The following IGSF10 variants were observed in gnomAD, a reference collection of about 807,000 sequenced individuals.
The protein encoded by IGSF10 is immunoglobulin superfamily member 10, also known as calvaria mechanical force protein 608.
In IGSF10, 126 loss-of-function variants were observed where a neutral mutation model predicts 128.2. That is an observed-to-expected ratio of 0.98 (90% CI 0.85 to 1.14). The LOEUF (loss-of-function observed/expected upper bound fraction) is 1.14. Ranked by LOEUF, IGSF10 falls within the 50% of genes most tolerant of loss-of-function variation. IGSF10 has a pLI of 0.00. For synonymous variants in IGSF10, 1,185 were observed against 1,146.2 expected, an observed-to-expected ratio of 1.03 and a Z score of -0.68; for missense variants, 3,295 against 3,149.8, an observed-to-expected ratio of 1.05 and a Z score of -1.10.
At chr3:151,606,163 T>A in the IGSF10 span, among the ~76,000 whole-genome samples, 1 of 152,230 alleles carries the variant, frequency 6.6e-6, no homozygotes, top group African/African-American at 2.4e-5. Context: ...AAACGCTTTC[T>A]CTATGATTGC....
In IGSF10 at chr3:151,446,369, G is replaced by C; in HGVS notation, c.3612C>G (p.Pro1204=). 1 of 1,613,038 alleles carries C rather than the reference G, an allele frequency of 6.2e-7. No individual in the cohort carries two copies. The highest frequency in any genetic ancestry group is 8.5e-7 in the Non-Finnish European group (1 of 1,179,116). ...AITRFSRRKI[P]WQQNFVNNHN... ...GGTTATTTACAAAGTTCTGTTGCCA[G>C]GGAATTTTCCTTCTTGAAAACCTTG... is the stretch of plus-strand genomic sequence containing the variant. The change falls in exon 6 of 8, where the codon CCC becomes CCG. Residue 1204 remains proline, a synonymous_variant. Transcript: ENST00000282466.
At chr3:151,598,754 T>C in the IGSF10 span, among the ~76,000 whole-genome samples, 1 of 152,214 alleles carries the variant, frequency 6.6e-6, no homozygotes, top group East Asian at 1.9e-4. Flanking sequence ...AATCCACGAA[T>C]GTGGAACCCA....
the IGSF10 span, among the ~76,000 whole-genome samples, chr3:151,576,246 A>G: frequency 4.6e-5 from 7 of 151,904 alleles, no homozygotes; most frequent in African/African-American, 1.7e-4. Context: ...TATACATTTT[A>G]GACTTTAGCA....
At chr3:151,483,878 T>A in the IGSF10 span, among the ~76,000 whole-genome samples, 1 of 152,174 alleles carries the variant, frequency 6.6e-6, no homozygotes, top group Admixed American at 6.5e-5. Flanking sequence ...GAGCAGCTGT[T>A]TGGGCAGACA....
chr3:151,616,776 C>A, the IGSF10 span, among the ~76,000 whole-genome samples: 1 of 152,162 alleles, frequency 6.6e-6, no homozygotes, highest in Non-Finnish European at 1.5e-5. Context: ...GAAACCTCTA[C>A]GAAATGCGTC....
chr3:151,606,170 T>G, the IGSF10 span, among the ~76,000 whole-genome samples: 1 of 152,354 alleles, frequency 6.6e-6, no homozygotes, highest in South Asian at 2.1e-4. Flanking sequence ...TTCTCTATGA[T>G]TGCATATTTG....
At chr3:151,505,225 G>T in the IGSF10 span, among the ~76,000 whole-genome samples, 1 of 152,138 alleles carries the variant, frequency 6.6e-6, no homozygotes, top group Non-Finnish European at 1.5e-5. Flanking sequence ...GGAGGCCTCA[G>T]GAAACTTACA....
chr3:151,556,879 C>T, the IGSF10 span, among the ~76,000 whole-genome samples: 1 of 152,142 alleles, frequency 6.6e-6, no homozygotes, highest in African/African-American at 2.4e-5. Flanking sequence ...TATAACATGC[C>T]AGTTTGGATA....
rs1002322706 is a variant in IGSF10, at chr3:151,460,345, A to G, written c.-86T>C. 3 of 966,186 alleles carry G rather than the reference A, an allele frequency of 3.1e-6. No individual in the cohort carries two copies. Among genetic ancestry groups the G allele is most frequent in the Non-Finnish European group, 3.7e-6 (3 of 812,456 alleles). 59.9% of individuals were successfully genotyped at this position (966,186 alleles called of 1,614,324 possible). ...CCCAGGAAATGGAAAATTGTGTCCA[A>G]ACCTGAGGGAGGAAAAGTTCTCTGC... On this transcript the variant is annotated splice_region_variant and 5_prime_UTR_variant, in exon 2 of 8. Transcript: ENST00000282466.
chr3:151,546,529 T>A, the IGSF10 span, among the ~76,000 whole-genome samples: 2,447 of 147,930 alleles, frequency 0.017, 21 homozygotes, highest in South Asian at 0.026. Context: ...TTTTTTTTTT[T>A]AATATTTAGT....
At chr3:151,497,529 G>A in the IGSF10 span, among the ~76,000 whole-genome samples, 6 of 151,882 alleles carry the variant, frequency 4.0e-5, no homozygotes, top group African/African-American at 1.2e-4. Context: ...TGTTCCATTG[G>A]TTTATATCTC....
At chr3:151,568,491 T>A in the IGSF10 span, among the ~76,000 whole-genome samples, 1 of 152,188 alleles carries the variant, frequency 6.6e-6, no homozygotes, top group Non-Finnish European at 1.5e-5. Flanking sequence ...AATGCCTGAA[T>A]CACGATTTGA....
the IGSF10 span, among the ~76,000 whole-genome samples, chr3:151,535,883 A>T: frequency 5.9e-3 from 904 of 152,288 alleles, 4 homozygotes; most frequent in African/African-American, 0.021. Context: ...TTTGAAATTG[A>T]TGGCTTCGCA....
Position 151,448,026 on chromosome 3 carries a change from CCT to C in IGSF10, c.1953_1954del (p.Val653Ter), listed in dbSNP as rs1238992491. ...AACTTGGAAAATCAAAAAATCAACC[CCT>C]GATGGGTTGGCTGCCACACAGCGAT... On this transcript the variant is annotated frameshift_variant, in exon 6 of 8. Coordinates refer to ENST00000282466, the MANE Select transcript of IGSF10 (RefSeq NM_178822.5). LOFTEE classifies it high-confidence loss of function. 1.9e-6 allele frequency: 3 copies of C among 1,614,040 alleles called. No individual in the cohort carries two copies. The highest frequency in any genetic ancestry group is 1.7e-5 in the Admixed American group (1 of 60,002).
the IGSF10 span, among the ~76,000 whole-genome samples, chr3:151,509,299 T>C: frequency 6.6e-6 from 1 of 152,208 alleles, no homozygotes; most frequent in Admixed American, 6.5e-5. Flanking sequence ...TGTTTAGATA[T>C]ACAATTTGAA....
In IGSF10 at chr3:151,443,483, C is replaced by A; in HGVS notation, c.5464G>T (p.Ala1822Ser). The A allele has an allele frequency of 6.2e-7, 1 of 1,614,170 alleles. No homozygotes were observed. The highest frequency in any genetic ancestry group is 8.5e-7 in the Non-Finnish European group (1 of 1,180,030). The part of the protein sequence containing the change: ...IYDRGFYKCV[A>S]SNPGGQDSLL... ...GAATCCTGGCCACCTGGGTTGCTGG[C>A]CACACATTTGTAAAAGCCACGGTCA... Residue 1822 changes from alanine to serine, a missense_variant, in exon 7 of 8, where the codon GCC (alanine) becomes TCC (serine). Ala to Ser is a moderately conservative substitution (Grantham distance 99). Coordinates refer to ENST00000282466, the MANE Select transcript of IGSF10 (RefSeq NM_178822.5).
the IGSF10 span, among the ~76,000 whole-genome samples, chr3:151,537,426 C>CTA: frequency 6.6e-6 from 1 of 152,202 alleles, no homozygotes; most frequent in East Asian, 1.9e-4. Flanking sequence ...GAAGAAAGAA[C>CTA]TATAGCCTGT....
the IGSF10 span, among the ~76,000 whole-genome samples, chr3:151,510,015 G>C: frequency 1.3e-5 from 2 of 152,214 alleles, no homozygotes; most frequent in Non-Finnish European, 2.9e-5. Flanking sequence ...AGCTCAAGGA[G>C]GCCTGCCTGC....
At chr3:151,570,875 A>G in the IGSF10 span, among the ~76,000 whole-genome samples, 2 of 152,146 alleles carry the variant, frequency 1.3e-5, no homozygotes, top group African/African-American at 4.8e-5. Flanking sequence ...TAGGTCTAAC[A>G]TTTAAGTCTT....
Sources: allele counts gnomAD v4.1 joint callset (sites outside exome capture counted in the v4.1 genomes callset), GRCh38; gene constraint gnomAD v4.1.1; transcripts MANE v1.5; gene names NCBI Gene and HGNC (gene_info 2026-07-23, HGNC 2026-07-21).